The following NOS2 variants were observed in gnomAD, a reference collection of about 807,000 sequenced individuals.
NOS2 encodes the protein nitric oxide synthase, inducible.
A neutral mutation model predicts 136.0 loss-of-function variants in NOS2; 96 were observed. That is an observed-to-expected ratio of 0.71 (90% CI 0.60 to 0.84). The LOEUF (loss-of-function observed/expected upper bound fraction) is 0.84, where lower values mean the gene tolerates loss of function less well. Ranked by LOEUF, NOS2 falls within the 40% of genes least tolerant of loss-of-function variation. The probability of loss-of-function intolerance (pLI) is 0.00; values close to 1 mark genes in which losing one functional copy is unlikely to be tolerated. For missense variants in NOS2, 1,237 were observed against 1,496.9 expected (o/e 0.83, Z 2.87); for synonymous variants, 539 against 587.5 (o/e 0.92, Z 1.20).
At chr17:27,795,962 A>T (rs1465337276) in intron 2 of NOS2, among the ~76,000 whole-genome samples, 1 of 152,176 alleles carries the variant, frequency 6.6e-6, no homozygotes, top group Non-Finnish European at 1.5e-5. Context: ...AGACATAGGG[A>T]TAACTGGCAA....
At chr17:27,759,258 G>A (rs1051505121) in intron 25 of NOS2, among the ~76,000 whole-genome samples, 183 bp from the exon 26 acceptor site, 7 of 152,174 alleles carry the variant, frequency 4.6e-5, no homozygotes, top group Admixed American at 6.5e-5. Flanking sequence ...CCTGGGGCTC[G>A]GCTGGGATTA....
intron 20 of NOS2, among the ~76,000 whole-genome samples, chr17:27,764,801 T>C (rs563076272): frequency 6.6e-6 from 1 of 152,334 alleles, no homozygotes; most frequent in Non-Finnish European, 1.5e-5. Context: ...ACACAGATGC[T>C]TTGTAAACAC....
intron 19 of NOS2, 139 bp from the exon 20 acceptor site, chr17:27,765,855 G>T: frequency 1.0e-6 from 1 of 963,188 alleles, no homozygotes; most frequent in Non-Finnish European, 1.5e-6. Context: ...ACCACCCTGA[G>T]CTTGGGATGA....
At chr17:27,757,469 TA>T in intron 26 of NOS2, 116 bp from the exon 27 acceptor site, 3 of 808,258 alleles carry the variant, frequency 3.7e-6, no homozygotes, top group Non-Finnish European at 6.0e-6. Flanking sequence ...CCAACTGTTA[TA>T]CTTAGATTGT....
chr17:27,760,390 A>G (rs1479286556), intron 24 of NOS2, among the ~76,000 whole-genome samples: 1 of 152,230 alleles, frequency 6.6e-6, no homozygotes, highest in Non-Finnish European at 1.5e-5. Flanking sequence ...AGCCAATCGG[A>G]GATCAAAAGC....
chr17:27,771,077 C>A, intron 14 of NOS2, 60 bp from the exon 15 acceptor site: 1 of 1,247,838 alleles, frequency 8.0e-7, no homozygotes, highest in Non-Finnish European at 1.2e-6. Flanking sequence ...CCCTACCCTG[C>A]GCAGACACCC....
At position 27,762,906 on chromosome 17, in the gene NOS2, A is replaced by T; in HGVS notation, c.2692T>A (p.Ser898Thr). Residue 898 changes from serine (S) to threonine (T), a missense_variant, in exon 22 of 27, where the codon TCC becomes ACC. Physicochemically the swap from Ser to Thr is moderately conservative, Grantham distance 58 (BLOSUM62 1). Around this residue, in one of 3 missense-constraint regions of NOS2, gnomAD observed 782 missense variants for 909.9 expected, o/e 0.86. Coordinates refer to ENST00000313735, the MANE Select transcript of NOS2 (RefSeq NM_000625.4). ...CTGGGCTTCAGAATGGGGAGCTGGG[A>T]AAGCAGGAAGCCAGCAGACACCCGC... ...SLRVSAGFLL[S>T]QLPILKPRFY... 1 of 1,602,362 alleles carries T rather than the reference A, an allele frequency of 6.2e-7. No individual in the cohort carries two copies. The highest frequency in any genetic ancestry group is 8.5e-7 in the Non-Finnish European group (1 of 1,175,508).
chr17:27,786,684 C>T lies in NOS2; in HGVS notation c.467+994G>A, dbSNP rs557896853. Among the ~76,000 whole-genome samples the T allele has an allele frequency of 4.6e-5, 7 of 152,216 alleles. No individual in the cohort carries two copies. The East Asian group carries it at 7.7e-4, about 17-fold the overall frequency. On this transcript the variant is annotated intron_variant, in intron 5 of 26. Coordinates refer to ENST00000313735, the MANE Select transcript of NOS2 (RefSeq NM_000625.4). The stretch of plus-strand genomic sequence containing the variant: ...AACTCCTTTCATCTTTATAAACTCC[C>T]GCCAACTACCCTCCTCCTGCAAGGT...
At position 27,789,704 on chromosome 17, in the gene NOS2, G is replaced by T; in HGVS notation, c.111-16C>A. The T allele has an allele frequency of 6.3e-7, 1 of 1,598,372 alleles. No homozygotes were observed. Among genetic ancestry groups the T allele is most frequent in the Non-Finnish European group, 8.6e-7 (1 of 1,165,812 alleles). On this transcript the variant is annotated splice_polypyrimidine_tract_variant and intron_variant, in intron 2 of 26. Transcript: ENST00000313735. ...TGTCACTGGACTGTGAAAGGAAACA[G>T]CTAGCATGAGATGCGGTATCCAAGG...
At chr17:27,773,297 C>T in intron 12 of NOS2, 54 bp from the exon 13 acceptor site, 1 of 1,241,068 alleles carries the variant, frequency 8.1e-7, no homozygotes, top group Non-Finnish European at 1.2e-6. Flanking sequence ...CTTGGCTCAG[C>T]TCGCGGATGC....
At chr17:27,790,600 T>G (rs1215247618) in intron 2 of NOS2, among the ~76,000 whole-genome samples, 4 of 152,158 alleles carry the variant, frequency 2.6e-5, no homozygotes, top group African/African-American at 9.7e-5. Flanking sequence ...CACCTATACC[T>G]TCCCTGCCCC....
intron 2 of NOS2, among the ~76,000 whole-genome samples, chr17:27,794,063 T>A (rs539247562): frequency 6.6e-6 from 1 of 152,318 alleles, no homozygotes; most frequent in East Asian, 1.9e-4. Context: ...AGAGCAAATT[T>A]CCTTTCTGTC....
rs573077827 is a variant in NOS2, at chr17:27,798,644, G to A, written c.110+56C>T. 112 of 1,071,872 alleles carry A rather than the reference G, an allele frequency of 1.0e-4. No individual in the cohort carries two copies. The East Asian group carries it at 1.5e-3, about 14-fold the overall frequency. The allele number at this position is 1,071,872 out of a possible 1,614,324, so 66.4% of individuals were successfully genotyped here. Reference sequence around the variant, plus strand: ...AGAGGAATTCTGAGTCATCGGTGCCGACAGGGCATGGGTGCCCAAGGAGAC... The same window carrying A: ...AGAGGAATTCTGAGTCATCGGTGCCAACAGGGCATGGGTGCCCAAGGAGAC... On this transcript the variant is annotated intron_variant, in intron 2 of 26. Coordinates refer to ENST00000313735, the MANE Select transcript of NOS2 (RefSeq NM_000625.4).
At chr17:27,799,350 C>A (rs1405673568) in intron 1 of NOS2, among the ~76,000 whole-genome samples, 1 of 152,214 alleles carries the variant, frequency 6.6e-6, no homozygotes, top group Admixed American at 6.5e-5. Context: ...GCTGTAGCTA[C>A]CTTTCTTTTA....
intron 2 of NOS2, chr17:27,793,511 C>G (rs2142528672): frequency 2.5e-6 from 1 of 394,956 alleles, no homozygotes; most frequent in Admixed American, 4.4e-5. Context: ...CCGATTTCTC[C>G]CAGAGAGAGA....
At chr17:27,772,775 C>T (rs1908538843) in intron 13 of NOS2, among the ~76,000 whole-genome samples, 1 of 152,162 alleles carries the variant, frequency 6.6e-6, no homozygotes, top group Non-Finnish European at 1.5e-5. Context: ...TGGCTCACAT[C>T]TGTAATCCCA....
chr17:27,776,677 G>GAAAAA (rs34069634), intron 11 of NOS2, among the ~76,000 whole-genome samples: 3 of 78,114 alleles, frequency 3.8e-5, no homozygotes, highest in Non-Finnish European at 2.5e-5. Flanking sequence ...ATCTCCAAAG[G>GAAAAA]AAAAAAAAAA....
chr17:27,774,531 GAGAGT>G, intron 11 of NOS2, 80 bp from the exon 12 acceptor site: 3 of 1,137,342 alleles, frequency 2.6e-6, no homozygotes, highest in Non-Finnish European at 3.6e-6. Context: ...AGGGCTCCCA[GAGAGT>G]GCCTGGGAAG....
rs777294904 is a variant in NOS2 at position 27,758,969 on chromosome 17, C to T, written c.3266G>A (p.Arg1089Gln). 3.1e-6 allele frequency: 5 copies of T among 1,613,014 alleles called. No individual in the cohort carries two copies. Among genetic ancestry groups the T allele is most frequent in the African/African-American group, 1.3e-5 (1 of 74,930 alleles). The change falls in exon 26 of 27, where the codon CGG becomes CAG. Residue 1089 changes from arginine to glutamine, a missense_variant. Arg to Gln is a conservative substitution (Grantham distance 43). Around this residue, in one of 3 missense-constraint regions of NOS2, gnomAD observed 782 missense variants for 909.9 expected, o/e 0.86. Coordinates refer to ENST00000313735, the MANE Select transcript of NOS2 (RefSeq NM_000625.4). ...LYVCGDVRMA[R>Q]DVAHTLKQLV... is the part of the protein sequence containing the mutation. ...CTGCTTCAGGGTGTGGGCCACGTCCCGGGCCATGCGCACATCCCCGCAAAC... is the reference window on the plus strand; with the variant it reads ...CTGCTTCAGGGTGTGGGCCACGTCCTGGGCCATGCGCACATCCCCGCAAAC...
Sources: gnomAD v4.1 joint callset for allele counts (sites outside exome capture counted in the v4.1 genomes callset) on GRCh38, gnomAD v4.1.1 for gene constraint, gnomAD v4.1.1 regional missense constraint, MANE v1.5 for transcripts, NCBI Gene and HGNC (gene_info 2026-07-23, HGNC 2026-07-21) for gene names.